EXOC1: variants seen among roughly 807,000 people sequenced by gnomAD.
EXOC1 encodes the protein exocyst complex component 1.
A neutral mutation model predicts 107.7 loss-of-function variants in EXOC1; 67 were observed. The ratio of observed to expected loss-of-function variants is 0.62; its 90% CI spans 0.51 to 0.76. The LOEUF is 0.76. Ranked by LOEUF, EXOC1 falls within the 30% of genes least tolerant of loss-of-function variation. The pLI is 0.00. For synonymous variants in EXOC1, 348 were observed against 353.5 expected (o/e 0.98, Z 0.17); for missense variants, 833 against 1,055.7 (o/e 0.79, Z 2.92).
Position 55,894,483 on chromosome 4 carries a change from TATTTA to T in EXOC1, c.1953+709_1953+713del, listed in dbSNP as rs554083159. 5.7e-4 allele frequency among the ~76,000 whole-genome samples: 87 copies of T among 152,126 alleles called. 1 individual carries two copies. Among genetic ancestry groups the T allele is most frequent in the Middle Eastern group, 3.4e-3 (1 of 294 alleles). On this transcript the variant is annotated intron_variant, in intron 15 of 18. Coordinates refer to ENST00000381295, the MANE Select transcript of EXOC1 (RefSeq NM_001024924.2). ...AGAAAACTAATTTGATTATTTTAAT[TATTTA>T]ATTTATTTTAATAGTTTAGTAGCTT...
chr4:55,901,583 T>G (rs940547221), intron 17 of EXOC1, among the ~76,000 whole-genome samples: 3 of 152,064 alleles, frequency 2.0e-5, no homozygotes, highest in Non-Finnish European at 4.4e-5. Context: ...AGACCCCAAT[T>G]TATAAATGGG....
rs1235248426 is a variant in EXOC1 at position 55,875,782 on chromosome 4, A to G, written c.1075-2135A>G. ...CGTGACCAATTAAGGCACATAGTTT[A>G]GGCCAGGCGCAGTGGCTCACACCTG... On this transcript the variant is annotated intron_variant, in intron 8 of 18. Coordinates refer to ENST00000381295, the MANE Select transcript of EXOC1 (RefSeq NM_001024924.2). 1.1e-5 allele frequency: 11 copies of G among 985,278 alleles called. No homozygotes were observed. In the African/African-American group the frequency reaches 1.9e-4, roughly 17 times the overall value. The allele number at this position is 985,278 out of a possible 1,614,324, so 61.0% of individuals were successfully genotyped here. A position where few individuals can be genotyped will look rare whatever the true frequency, so the allele number is the denominator to read the frequency against.
chr4:55,881,518 G>T (rs1560347080), intron 9 of EXOC1, among the ~76,000 whole-genome samples: 1 of 152,062 alleles, frequency 6.6e-6, no homozygotes, highest in Non-Finnish European at 1.5e-5. Context: ...TGCCCAAGGT[G>T]GTCCGAGCAC....
intron 4 of EXOC1, among the ~76,000 whole-genome samples, chr4:55,865,328 A>G (rs1296701974): frequency 1.3e-5 from 2 of 152,206 alleles, no homozygotes; most frequent in Non-Finnish European, 2.9e-5. Flanking sequence ...CAAACATTGT[A>G]AGATAGCACT....
intron 3 of EXOC1, 100 bp downstream of exon 3, chr4:55,860,641 A>C: frequency 4.3e-6 from 6 of 1,393,908 alleles, no homozygotes; most frequent in Non-Finnish European, 5.8e-6. Context: ...AAATTAATAT[A>C]TATGTTTGTT....
intron 8 of EXOC1, chr4:55,876,672 C>T (rs1295131311): frequency 1.0e-6 from 1 of 985,296 alleles, no homozygotes; most frequent in Non-Finnish European, 1.2e-6. Context: ...TTGAACTGGT[C>T]AGTTTCATTT....
intron 10 of EXOC1, chr4:55,885,828 C>T (rs1278285223): frequency 2.6e-5 from 4 of 152,082 alleles, no homozygotes; most frequent in African/African-American, 9.7e-5. Flanking sequence ...AAATTAATTT[C>T]AAGTTAAATG....
At chr4:55,867,527 G>T (rs1056875627) in intron 4 of EXOC1, among the ~76,000 whole-genome samples, 3 of 148,796 alleles carry the variant, frequency 2.0e-5, no homozygotes, top group African/African-American at 7.4e-5. Context: ...CTAACCTCAA[G>T]CTTTATATAC....
At chr4:55,859,092 A>G (rs767855439) in intron 2 of EXOC1, among the ~76,000 whole-genome samples, 1 of 152,152 alleles carries the variant, frequency 6.6e-6, no homozygotes, top group Non-Finnish European at 1.5e-5. Context: ...TCTGGTTGTC[A>G]TCTTATATGT....
At chr4:55,860,968 A>G (rs2110312955) in intron 3 of EXOC1, among the ~76,000 whole-genome samples, 1 of 152,220 alleles carries the variant, frequency 6.6e-6, no homozygotes. Flanking sequence ...CAAAAAAAAA[A>G]AAAAAGAAAT....
Position 55,891,406 on chromosome 4 carries a change from G to A in EXOC1, c.1631G>A (p.Ser544Asn), listed in dbSNP as rs1473905945. Residue 544 changes from serine (S) to asparagine (N), a missense_variant, in exon 13 of 19, where the codon AGT becomes AAT. Coordinates refer to ENST00000381295, the MANE Select transcript of EXOC1 (RefSeq NM_001024924.2). ...TTTTTCAAACTACAGCAACATCAAA[G>A]TATGCCTGGAACTATGGTATGGCTC... ...SKFFKLQQHQ[S>N]MPGTMAEAED... is the part of the protein sequence containing the mutation. The A allele has an allele frequency of 6.2e-7, 1 of 1,609,864 alleles. No homozygotes were observed. Among genetic ancestry groups the A allele is most frequent in the Middle Eastern group, 1.7e-4 (1 of 6,056 alleles).
rs1295370086 is a variant in EXOC1 at position 55,868,375 on chromosome 4, G to T, written c.455G>T (p.Gly152Val). Reference sequence around the variant, plus strand: ...GGAGAAAATCAGAGTGTGACAGGAGGTGATGAAGAAGTAGTAGATGAATAC... The same window carrying T: ...GGAGAAAATCAGAGTGTGACAGGAGTTGATGAAGAAGTAGTAGATGAATAC... The part of the protein sequence containing the change: ...PSGENQSVTG[G>V]DEEVVDEYQE... Residue 152 changes from glycine to valine, a missense_variant, in exon 5 of 19, where the codon GGT becomes GTT. Gly to Val is a moderately radical substitution (Grantham distance 109). This residue lies in a region of EXOC1 where 617 missense variants were observed against 701.3 expected (regional missense o/e 0.88). Coordinates refer to ENST00000381295, the MANE Select transcript of EXOC1 (RefSeq NM_001024924.2). 1.2e-6 allele frequency: 2 copies of T among 1,613,384 alleles called. No individual in the cohort carries two copies. The highest frequency in any genetic ancestry group is 1.7e-6 in the Non-Finnish European group (2 of 1,179,632).
chr4:55,880,195 C>G (rs1354978955), intron 9 of EXOC1, among the ~76,000 whole-genome samples: 1 of 151,398 alleles, frequency 6.6e-6, no homozygotes, highest in African/African-American at 2.4e-5. Context: ...AGTGCCTTTG[C>G]CCATTTAAAG....
intron 10 of EXOC1, among the ~76,000 whole-genome samples, chr4:55,885,252 G>A (rs1240674885): frequency 6.6e-6 from 1 of 152,068 alleles, no homozygotes; most frequent in African/African-American, 2.4e-5. Flanking sequence ...GGAGGTAAGA[G>A]AGAAATATTT....
At chr4:55,869,909 G>A (rs972867421) in intron 5 of EXOC1, among the ~76,000 whole-genome samples, 3 of 152,046 alleles carry the variant, frequency 2.0e-5, no homozygotes, top group Admixed American at 6.5e-5. Flanking sequence ...TAATTAATAT[G>A]GTATATATGT....
Position 55,871,837 on chromosome 4 carries a change from G to T in EXOC1, c.965-12G>T. 6.2e-7 allele frequency: 1 copy of T among 1,610,582 alleles called. No individual in the cohort carries two copies. The highest frequency in any genetic ancestry group is 8.5e-7 in the Non-Finnish European group (1 of 1,177,846). ...CCCATTAAACTGGTCACAAAATGTCGTTCTGTGTCAGGCCATGACTTGCTT... is the reference window on the plus strand; with the variant it reads ...CCCATTAAACTGGTCACAAAATGTCTTTCTGTGTCAGGCCATGACTTGCTT... On this transcript the variant is annotated splice_polypyrimidine_tract_variant and intron_variant, in intron 7 of 18. Coordinates refer to ENST00000381295, the MANE Select transcript of EXOC1 (RefSeq NM_001024924.2).
At chr4:55,877,447 A>G (rs1723004374) in intron 8 of EXOC1, 3 of 985,212 alleles carry the variant, frequency 3.0e-6, no homozygotes, top group South Asian at 4.7e-5. Context: ...TCCAAGCTCT[A>G]AGACTTTATA....
chr4:55,902,373 G>A lies in EXOC1; in HGVS notation c.2367G>A (p.Val789=). ...NHFFEGVEAR[V]AQGIREEEVS... is the part of the protein sequence containing the mutation. ...TCTTTGAAGGTGTTGAAGCTCGCGT[G>A]GCACAGGGCATAAGGGAGGAGGAAG... Residue 789 remains valine, a synonymous_variant, in exon 18 of 19, where the codon GTG becomes GTA. Transcript: ENST00000381295. 4 of 1,502,758 alleles carry A rather than the reference G, an allele frequency of 2.7e-6. No homozygotes were observed. Among genetic ancestry groups the A allele is most frequent in the East Asian group, 2.5e-5 (1 of 39,452 alleles). The allele number at this position is 1,502,758 out of a possible 1,614,324, so 93.1% of individuals were successfully genotyped here. A position where few individuals can be genotyped will look rare whatever the true frequency, so the allele number is the denominator to read the frequency against.
intron 16 of EXOC1, among the ~76,000 whole-genome samples, chr4:55,897,498 A>T (rs866868859): frequency 6.6e-6 from 1 of 152,150 alleles, no homozygotes; most frequent in Non-Finnish European, 1.5e-5. Flanking sequence ...GTGCTGAAAT[A>T]CTGTAATTCG....
Sources: allele counts gnomAD v4.1 joint callset (sites outside exome capture counted in the v4.1 genomes callset), GRCh38; gene constraint gnomAD v4.1.1; regional missense constraint gnomAD v4.1.1; transcripts MANE v1.5; gene names NCBI Gene and HGNC (gene_info 2026-07-23, HGNC 2026-07-21).